The following ST6GALNAC3 variants were observed in gnomAD, a reference collection of about 807,000 sequenced individuals.
The protein encoded by ST6GALNAC3 is ST6 N-acetylgalactosaminide alpha-2,6-sialyltransferase 3.
ST6GALNAC3 carries 25 observed loss-of-function variants against 32.7 expected under a neutral mutation model. That is an observed-to-expected ratio of 0.76 (90% CI 0.56 to 1.07). The LOEUF (loss-of-function observed/expected upper bound fraction) is 1.07. Ranked by LOEUF, ST6GALNAC3 falls within the 50% of genes least tolerant of loss-of-function variation. The pLI, the probability that ST6GALNAC3 is intolerant of heterozygous loss-of-function variation, is 0.00. For synonymous variants in ST6GALNAC3, 129 were observed against 133.1 expected (o/e 0.97, Z 0.21); for missense variants, 355 against 382.4 (o/e 0.93, Z 0.60).
intron 3 of ST6GALNAC3, among the ~76,000 whole-genome samples, chr1:76,520,711 G>C (rs1395461911): frequency 6.6e-6 from 1 of 151,926 alleles, no homozygotes; most frequent in Non-Finnish European, 1.5e-5. Context: ...ATATCGTCCT[G>C]GTGGACGGAC....
At chr1:76,473,615 A>G (rs943538331) in intron 3 of ST6GALNAC3, among the ~76,000 whole-genome samples, 4 of 152,176 alleles carry the variant, frequency 2.6e-5, no homozygotes, top group African/African-American at 9.7e-5. Context: ...GAGAATAGTT[A>G]TAGATGGGAA....
At chr1:76,475,874 G>A (rs544410005) in intron 3 of ST6GALNAC3, among the ~76,000 whole-genome samples, 72 of 151,940 alleles carry the variant, frequency 4.7e-4, no homozygotes, top group Admixed American at 1.1e-3. Context: ...GACAGGCCCC[G>A]CTGTGTGATG....
At chr1:76,364,511 G>A (rs967252893) in intron 2 of ST6GALNAC3, among the ~76,000 whole-genome samples, 2 of 151,824 alleles carry the variant, frequency 1.3e-5, no homozygotes, top group African/African-American at 2.4e-5. Context: ...CGAGATGGTG[G>A]CACTGCACTC....
At chr1:76,311,871 G>A (rs1646771474) in intron 1 of ST6GALNAC3, among the ~76,000 whole-genome samples, 1 of 152,108 alleles carries the variant, frequency 6.6e-6, no homozygotes, top group Admixed American at 6.6e-5. Flanking sequence ...CTTCCACAAT[G>A]GTTGAACTAA....
chr1:76,092,062 G>T (rs1015287643), intron 1 of ST6GALNAC3, among the ~76,000 whole-genome samples: 2 of 152,166 alleles, frequency 1.3e-5, no homozygotes, highest in Non-Finnish European at 1.5e-5. Flanking sequence ...GTCAACCTCC[G>T]TGCTCTTAAC....
intron 3 of ST6GALNAC3, among the ~76,000 whole-genome samples, chr1:76,484,144 G>A (rs569951122): frequency 3.3e-5 from 5 of 152,170 alleles, no homozygotes; most frequent in Non-Finnish European, 5.9e-5. Flanking sequence ...AGAGTTTGAA[G>A]TCAGGTAGCA....
chr1:76,517,101 A>G (rs6699746), intron 3 of ST6GALNAC3, among the ~76,000 whole-genome samples: 2,884 of 151,964 alleles, frequency 0.019, 106 homozygotes, highest in African/African-American at 0.067. Context: ...GTTCCATATA[A>G]ACCAACAAAT....
At chr1:76,323,427 A>G (rs1170154061) in intron 2 of ST6GALNAC3, among the ~76,000 whole-genome samples, 3 of 152,304 alleles carry the variant, frequency 2.0e-5, no homozygotes, top group Admixed American at 2.0e-4. Flanking sequence ...CCCCCAAAGT[A>G]TTGATTCTAT....
intron 1 of ST6GALNAC3, among the ~76,000 whole-genome samples, chr1:76,113,154 A>G (rs1648190904): frequency 1.3e-5 from 2 of 152,070 alleles, no homozygotes; most frequent in African/African-American, 4.8e-5. Flanking sequence ...CGGCCAACAC[A>G]GCGAAACCCC....
intron 3 of ST6GALNAC3, among the ~76,000 whole-genome samples, chr1:76,622,163 G>C (rs1301458446): frequency 6.7e-6 from 1 of 148,628 alleles, no homozygotes; most frequent in Admixed American, 7.0e-5. Flanking sequence ...CAAAGTTTGA[G>C]CCAAAGGCCC....
In ST6GALNAC3 at chr1:76,630,569, A is replaced by G; in HGVS notation, c.*1763A>G. 1 of 985,494 alleles carries G rather than the reference A, an allele frequency of 1.0e-6. No individual in the cohort carries two copies. The highest frequency in any genetic ancestry group is 1.2e-6 in the Non-Finnish European group (1 of 829,850). 61.0% of individuals were successfully genotyped at this position (985,494 alleles called of 1,614,324 possible). A position where few individuals can be genotyped will look rare whatever the true frequency, so the allele number is the denominator to read the frequency against. ...AGGCTCAACTTATAGAATGTTTTGG[A>G]AACTGGAAGTAATGATACATTTCAC... On this transcript the variant is annotated 3_prime_UTR_variant, in exon 5 of 5. Transcript: ENST00000328299.
At chr1:76,400,213 T>C (rs899068379) in intron 2 of ST6GALNAC3, among the ~76,000 whole-genome samples, 1 of 152,222 alleles carries the variant, frequency 6.6e-6, no homozygotes, top group Non-Finnish European at 1.5e-5. Context: ...GTTGTTTTCC[T>C]TAAATAACAG....
downstream of ST6GALNAC3, among the ~76,000 whole-genome samples, chr1:76,635,489 A>G (rs183206287): frequency 3.7e-3 from 567 of 152,316 alleles, 1 homozygote; most frequent in Non-Finnish European, 6.2e-3. Flanking sequence ...AAATTGAAGC[A>G]CTAGAGAGAT....
At chr1:76,329,177 T>G (rs1363103368) in intron 2 of ST6GALNAC3, among the ~76,000 whole-genome samples, 1 of 152,172 alleles carries the variant, frequency 6.6e-6, no homozygotes, top group African/African-American at 2.4e-5. Context: ...GGCAACAGAA[T>G]AATATTCACC....
chr1:76,464,671 C>T (rs1293153919), intron 3 of ST6GALNAC3, among the ~76,000 whole-genome samples: 1 of 152,166 alleles, frequency 6.6e-6, no homozygotes, highest in African/African-American at 2.4e-5. Context: ...TTATTCATTG[C>T]CTCTGTATAT....
intron 3 of ST6GALNAC3, among the ~76,000 whole-genome samples, chr1:76,598,557 C>T (rs1647173826): frequency 6.6e-6 from 1 of 152,142 alleles, no homozygotes; most frequent in Non-Finnish European, 1.5e-5. Context: ...AATCTGATTT[C>T]AATCTCTCTG....
chr1:76,581,505 T>A (rs1646891428), intron 3 of ST6GALNAC3, among the ~76,000 whole-genome samples: 1 of 152,154 alleles, frequency 6.6e-6, no homozygotes, highest in Admixed American at 6.6e-5. Context: ...GTAAACAGTT[T>A]CCTAAACACT....
intron 1 of ST6GALNAC3, among the ~76,000 whole-genome samples, chr1:76,259,837 A>G (rs915568242): frequency 6.6e-6 from 1 of 151,996 alleles, no homozygotes; most frequent in Non-Finnish European, 1.5e-5. Flanking sequence ...GTTGTCCAAA[A>G]ATTTAGAAAC....
At chr1:76,361,989 A>AAAAT (rs71588871) in intron 2 of ST6GALNAC3, among the ~76,000 whole-genome samples, 71,813 of 147,860 alleles carry the variant, frequency 0.49, 20,432 homozygotes, top group Non-Finnish European at 0.63. Flanking sequence ...AAAAAAAAAA[A>AAAAT]AAAAGAGAGA....
Sources: gnomAD v4.1 joint callset for allele counts (sites outside exome capture counted in the v4.1 genomes callset) on GRCh38, gnomAD v4.1.1 for gene constraint, MANE v1.5 for transcripts, NCBI Gene and HGNC (gene_info 2026-07-23, HGNC 2026-07-21) for gene names.